Variants in TCEA1 observed in about 807,000 individuals in gnomAD.
TCEA1 encodes the protein transcription elongation factor A1, also known as transcription elongation factor A protein 1.
Under a neutral mutation model 43.8 loss-of-function variants are expected in TCEA1, and 21 were observed. The observed-to-expected ratio is 0.48, with a 90% CI of 0.34 to 0.69. The LOEUF (loss-of-function observed/expected upper bound fraction) is 0.69. TCEA1 is among the 30% of genes least tolerant of loss of function. The pLI is 0.01. For missense variants in TCEA1, 250 were observed against 365.1 expected (o/e 0.68, Z 2.57); for synonymous variants, 104 against 117.5 (o/e 0.88, Z 0.75).
chr8:53,975,630 C>T (rs1803308805), intron 8 of TCEA1, among the ~76,000 whole-genome samples: 1 of 152,146 alleles, frequency 6.6e-6, no homozygotes, highest in Non-Finnish European at 1.5e-5. Context: ...GTGAAATAGG[C>T]CAGTCACAAT....
chr8:53,980,166 T>C (rs904868232), intron 7 of TCEA1, among the ~76,000 whole-genome samples: 1 of 152,210 alleles, frequency 6.6e-6, no homozygotes, highest in African/African-American at 2.4e-5. Context: ...GTACCTCTAG[T>C]ATCCAGATTA....
intron 7 of TCEA1, among the ~76,000 whole-genome samples, chr8:53,982,476 C>T (rs554165861): frequency 6.5e-4 from 99 of 151,930 alleles, no homozygotes; most frequent in African/African-American, 2.2e-3. Flanking sequence ...GGCTTGGTGG[C>T]GGGCGCCTGT....
At chr8:53,999,472 A>T (rs1359951154) in intron 3 of TCEA1, among the ~76,000 whole-genome samples, 3 of 152,126 alleles carry the variant, frequency 2.0e-5, no homozygotes, top group Non-Finnish European at 4.4e-5. Flanking sequence ...AGAGCATGAT[A>T]TATTCAACCT....
intron 8 of TCEA1, among the ~76,000 whole-genome samples, chr8:53,976,817 T>C (rs773622996): frequency 1.2e-4 from 18 of 152,226 alleles, no homozygotes; most frequent in Non-Finnish European, 1.9e-4. Context: ...ACCACTTTTA[T>C]CAGTGTTGAT....
chr8:54,006,178 G>C (rs532285409), intron 2 of TCEA1, among the ~76,000 whole-genome samples: 104 of 152,256 alleles, frequency 6.8e-4, no homozygotes, highest in Non-Finnish European at 1.2e-3. Context: ...CTTTCCCCCA[G>C]ATGAACACTG....
chr8:54,021,279 T>G (rs1009650156), intron 1 of TCEA1, among the ~76,000 whole-genome samples: 1 of 152,214 alleles, frequency 6.6e-6, no homozygotes, highest in African/African-American at 2.4e-5. Flanking sequence ...ACTGGTCGTA[T>G]GAGGATTTCT....
chr8:54,011,625 T>C lies in TCEA1; in HGVS notation c.64-1133A>G, dbSNP rs1804655162. ...ACAGGCACCCTACAAATCAATGAAA[T>C]ACACGCTATCCCCCCAAAAAAACAG... On this transcript the variant is annotated intron_variant, in intron 1 of 9. Coordinates refer to ENST00000521604, the MANE Select transcript of TCEA1 (RefSeq NM_006756.4). 2.0e-5 allele frequency among the ~76,000 whole-genome samples: 3 copies of C among 152,248 alleles called. No individual in the cohort carries two copies. In the South Asian group the frequency reaches 6.2e-4, roughly 32 times the overall value.
chr8:54,011,756 T>C (rs1003226775), intron 1 of TCEA1, among the ~76,000 whole-genome samples: 1 of 152,228 alleles, frequency 6.6e-6, no homozygotes, highest in African/African-American at 2.4e-5. Context: ...TAAAGGCTTC[T>C]AGTCATGTAA....
intron 4 of TCEA1, among the ~76,000 whole-genome samples, chr8:53,989,293 C>T (rs1288923599): frequency 6.6e-6 from 1 of 152,166 alleles, no homozygotes; most frequent in Non-Finnish European, 1.5e-5. Flanking sequence ...TGGATTATCA[C>T]TAAAATGGGT....
chr8:54,001,209 C>T (rs759087591), intron 2 of TCEA1, among the ~76,000 whole-genome samples: 8 of 151,780 alleles, frequency 5.3e-5, no homozygotes, highest in East Asian at 3.9e-4. Context: ...TTAGTAAGTT[C>T]GGGTTGTTAA....
intron 8 of TCEA1, among the ~76,000 whole-genome samples, chr8:53,975,594 G>A (rs1200626012): frequency 6.6e-6 from 1 of 152,144 alleles, no homozygotes; most frequent in Non-Finnish European, 1.5e-5. Flanking sequence ...TCACAACACA[G>A]ATAAACCTTG....
chr8:53,983,747 G>A (rs1490302251), intron 7 of TCEA1, among the ~76,000 whole-genome samples: 1 of 152,078 alleles, frequency 6.6e-6, no homozygotes, highest in Non-Finnish European at 1.5e-5. Context: ...CACTTACAAA[G>A]TGTACTTGCA....
chr8:53,996,710 T>C (rs938700576), intron 3 of TCEA1, among the ~76,000 whole-genome samples: 2 of 143,060 alleles, frequency 1.4e-5, no homozygotes, highest in Non-Finnish European at 3.0e-5. Flanking sequence ...ATAGTTATGA[T>C]AGAAAAACAA....
In TCEA1 at chr8:53,967,997, T is replaced by C; in HGVS notation, c.*107A>G. 1 of 1,034,002 alleles carries C rather than the reference T, an allele frequency of 9.7e-7. No individual in the cohort carries two copies. The highest frequency in any genetic ancestry group is 1.4e-6 in the Non-Finnish European group (1 of 711,224). The allele number at this position is 1,034,002 out of a possible 1,614,324, so 64.1% of individuals were successfully genotyped here. A position where few individuals can be genotyped will look rare whatever the true frequency, so the allele number is the denominator to read the frequency against. The stretch of plus-strand genomic sequence containing the variant: ...GTCAAAAACAAAGTCTAACCCAAGT[T>C]GCTTTAAAAATTTGATTTGCAGGAA... On this transcript the variant is annotated 3_prime_UTR_variant, in exon 10 of 10. Transcript: ENST00000521604.
chr8:54,003,497 G>A (rs952601386), intron 2 of TCEA1, among the ~76,000 whole-genome samples: 7 of 152,168 alleles, frequency 4.6e-5, no homozygotes, highest in South Asian at 4.1e-4. Context: ...AAGGATGGAC[G>A]CGCAGATCAA....
In TCEA1 at chr8:54,000,069, A is replaced by G; in HGVS notation, c.127-19T>C. The G allele has an allele frequency of 7.3e-7, 1 of 1,371,188 alleles. No homozygotes were observed. The highest frequency in any genetic ancestry group is 9.9e-7 in the Non-Finnish European group (1 of 1,006,194). 84.9% of individuals were successfully genotyped at this position (1,371,188 alleles called of 1,614,324 possible). The stretch of plus-strand genomic sequence containing the variant: ...TTGTGGACTGCAAGGCAATAACAAA[A>G]AAATTATGTATACCAATTTTATTTT... On this transcript the variant is annotated intron_variant, in intron 2 of 9. Transcript: ENST00000521604.
At chr8:53,998,068 A>C (rs1804122837) in intron 3 of TCEA1, among the ~76,000 whole-genome samples, 1 of 152,222 alleles carries the variant, frequency 6.6e-6, no homozygotes, top group South Asian at 2.1e-4. Context: ...TCTATTTTTT[A>C]AGCCCATTAT....
intron 8 of TCEA1, chr8:53,972,799 G>A: frequency 1.4e-6 from 1 of 720,656 alleles, no homozygotes; most frequent in Non-Finnish European, 2.6e-6. Context: ...GAAACAGCCA[G>A]TAAAATTTAT....
At chr8:54,011,444 A>G (rs1366123719) in intron 1 of TCEA1, among the ~76,000 whole-genome samples, 1 of 152,258 alleles carries the variant, frequency 6.6e-6, no homozygotes, top group African/African-American at 2.4e-5. Context: ...TCAAAGAGAA[A>G]GAAATCCTCT....
Sources: allele counts gnomAD v4.1 joint callset (sites outside exome capture counted in the v4.1 genomes callset), GRCh38; gene constraint gnomAD v4.1.1; transcripts MANE v1.5; gene names NCBI Gene and HGNC (gene_info 2026-07-23, HGNC 2026-07-21).